Variants in CNBD1 observed in about 807,000 individuals in gnomAD.
CNBD1 encodes cyclic nucleotide-binding domain-containing protein 1.
Under a neutral mutation model 54.4 loss-of-function variants are expected in CNBD1, and 71 were observed. That is an observed-to-expected ratio of 1.30 (90% CI 1.08 to 1.59). The LOEUF (loss-of-function observed/expected upper bound fraction) is 1.59, where lower values mean the gene tolerates loss of function less well. Among genes scored for constraint, CNBD1 ranks in the 40% most tolerant of loss-of-function variants. The pLI is 0.00. For missense variants in CNBD1, 659 were observed against 518.0 expected (o/e 1.27, Z -2.64); for synonymous variants, 182 against 170.7 (o/e 1.07, Z -0.51).
At chr8:86,956,180 A>T (rs1214600346) in intron 4 of CNBD1, among the ~76,000 whole-genome samples, 10 of 151,960 alleles carry the variant, frequency 6.6e-5, no homozygotes, top group Admixed American at 5.9e-4. Context: ...GTTCTGTTCC[A>T]TTGATCTATA....
intron 4 of CNBD1, among the ~76,000 whole-genome samples, chr8:87,171,971 C>T (rs1417234150): frequency 1.3e-5 from 2 of 152,098 alleles, no homozygotes; most frequent in African/African-American, 2.4e-5. Context: ...TACAGCTATA[C>T]ACTTCCTTCT....
chr8:87,137,131 A>G (rs62527287), intron 4 of CNBD1, among the ~76,000 whole-genome samples: 39,346 of 94,734 alleles, frequency 0.42, 9,673 homozygotes, highest in African/African-American at 0.52. Flanking sequence ...TTTATTATAT[A>G]TAAATTATAT....
Position 87,353,718 on chromosome 8 carries a change from C to A in CNBD1, c.1235C>A (p.Pro412His). The A allele has an allele frequency of 6.2e-7, 1 of 1,611,674 alleles. No homozygotes were observed. The highest frequency in any genetic ancestry group is 8.5e-7 in the Non-Finnish European group (1 of 1,178,750). Residue 412 changes from proline to histidine, a missense_variant, in exon 10 of 11, where the codon CCT becomes CAT. Transcript: ENST00000518476. ...GAGATTAGCGTCCTTCTTCAAGTTC[C>A]TTTCACGTGCACAATCATTACCAAA... is the stretch of plus-strand genomic sequence containing the variant. Reference protein sequence around the residue: ...FGEISVLLQVPFTCTIITKKE... With the variant: ...FGEISVLLQVHFTCTIITKKE...
intron 6 of CNBD1, among the ~76,000 whole-genome samples, chr8:87,265,970 A>G (rs563008212): frequency 5.9e-5 from 9 of 152,130 alleles, no homozygotes; most frequent in Non-Finnish European, 1.2e-4. Context: ...ATCATTAATT[A>G]AAAGATTCTA....
At chr8:87,254,493 G>T (rs1256152066) in intron 6 of CNBD1, among the ~76,000 whole-genome samples, 1 of 152,164 alleles carries the variant, frequency 6.6e-6, no homozygotes, top group Non-Finnish European at 1.5e-5. Flanking sequence ...ACATCCAAGT[G>T]GTATCAACTG....
intron 8 of CNBD1, among the ~76,000 whole-genome samples, chr8:87,304,226 G>T (rs1809087978): frequency 6.6e-6 from 1 of 151,742 alleles, no homozygotes; most frequent in African/African-American, 2.4e-5. Flanking sequence ...GCAAAGACTT[G>T]GAACAAACCC....
intron 2 of CNBD1, among the ~76,000 whole-genome samples, chr8:87,411,744 A>G (rs1057095309): frequency 6.6e-6 from 1 of 151,392 alleles, no homozygotes; most frequent in African/African-American, 2.4e-5. Context: ...TATGTACTGA[A>G]AGGGTTCATG....
At chr8:87,253,103 G>A (rs1209570318) in intron 6 of CNBD1, among the ~76,000 whole-genome samples, 1 of 152,120 alleles carries the variant, frequency 6.6e-6, no homozygotes, top group African/African-American at 2.4e-5. Context: ...AGATTCCTAA[G>A]GGTAGTTTAA....
At chr8:87,370,788 A>T (rs560033780) in intron 10 of CNBD1, among the ~76,000 whole-genome samples, 1 of 149,646 alleles carries the variant, frequency 6.7e-6, no homozygotes, top group East Asian at 2.0e-4. Context: ...TGTTTTAGAC[A>T]TGAAGTCCTT....
chr8:87,170,035 C>T (rs1045460042), intron 4 of CNBD1, among the ~76,000 whole-genome samples: 2 of 152,056 alleles, frequency 1.3e-5, no homozygotes, highest in Non-Finnish European at 2.9e-5. Context: ...TTTGATTCTT[C>T]TAATCCAACA....
intron 4 of CNBD1, among the ~76,000 whole-genome samples, chr8:87,004,863 C>A (rs1809063987): frequency 6.6e-6 from 1 of 151,980 alleles, no homozygotes; most frequent in Non-Finnish European, 1.5e-5. Context: ...AAATTCAAAC[C>A]ATTCATTGTT....
At chr8:87,306,633 A>G (rs1809155483) in intron 8 of CNBD1, among the ~76,000 whole-genome samples, 1 of 152,180 alleles carries the variant, frequency 6.6e-6, no homozygotes. Flanking sequence ...GAGATTGAAG[A>G]CTATTATTCT....
At chr8:87,270,742 C>T (rs747085984) in intron 6 of CNBD1, among the ~76,000 whole-genome samples, 10 of 151,590 alleles carry the variant, frequency 6.6e-5, no homozygotes, top group Non-Finnish European at 1.3e-4. Context: ...TCTTGTTTTG[C>T]TGTGTGGGTA....
At chr8:87,331,856 G>A (rs921099975) in intron 8 of CNBD1, among the ~76,000 whole-genome samples, 1 of 152,086 alleles carries the variant, frequency 6.6e-6, no homozygotes, top group African/African-American at 2.4e-5. Flanking sequence ...TCGCATAAAT[G>A]TCTTCTTTTG....
chr8:86,968,301 G>C (rs1318387601), intron 4 of CNBD1, among the ~76,000 whole-genome samples: 1 of 152,120 alleles, frequency 6.6e-6, no homozygotes, highest in Non-Finnish European at 1.5e-5. Context: ...TACTCATCAT[G>C]AGGGCCTGAT....
chr8:86,987,125 G>T (rs1223616044), intron 4 of CNBD1, among the ~76,000 whole-genome samples: 1 of 152,060 alleles, frequency 6.6e-6, no homozygotes, highest in African/African-American at 2.4e-5. Flanking sequence ...TAATAACATT[G>T]ATTTTTCTAA....
At chr8:87,015,479 C>T (rs1809336165) in intron 4 of CNBD1, among the ~76,000 whole-genome samples, 2 of 151,972 alleles carry the variant, frequency 1.3e-5, no homozygotes, top group Non-Finnish European at 2.9e-5. Context: ...TCCATCATGC[C>T]CAGCGAAATA....
At chr8:87,406,686 G>C (rs1807659343) in intron 2 of CNBD1, among the ~76,000 whole-genome samples, 1 of 151,962 alleles carries the variant, frequency 6.6e-6, no homozygotes, top group Non-Finnish European at 1.5e-5. Context: ...CACCATGTTG[G>C]TCAGGCTGGT....
At chr8:87,154,008 T>C (rs1356645135) in intron 4 of CNBD1, among the ~76,000 whole-genome samples, 1 of 152,074 alleles carries the variant, frequency 6.6e-6, no homozygotes, top group Non-Finnish European at 1.5e-5. Context: ...TGGCAAGTGT[T>C]GAGACGAGTG....
Sources: gnomAD v4.1 joint callset for allele counts (sites outside exome capture counted in the v4.1 genomes callset) on GRCh38, gnomAD v4.1.1 for gene constraint, MANE v1.5 for transcripts, NCBI Gene and HGNC (gene_info 2026-07-23, HGNC 2026-07-21) for gene names.